MARCO: variants seen among roughly 807,000 people sequenced by gnomAD.
MARCO encodes the protein macrophage receptor MARCO.
MARCO carries 72 observed loss-of-function variants against 70.0 expected under a neutral mutation model. The observed-to-expected ratio is 1.03, with a 90% CI of 0.85 to 1.25. The LOEUF is 1.25. Among genes scored for constraint, MARCO ranks in the 50% most tolerant of loss-of-function variants. The pLI is 0.00. For missense variants in MARCO, 696 were observed against 659.3 expected (o/e 1.06, Z -0.61); for synonymous variants, 273 against 243.1 (o/e 1.12, Z -1.14).
At chr2:118,984,268 G>A (rs1412983888) in intron 12 of MARCO, among the ~76,000 whole-genome samples, 3 of 152,164 alleles carry the variant, frequency 2.0e-5, no homozygotes, top group Non-Finnish European at 4.4e-5. Context: ...GAAACATGAA[G>A]CTTTCAGGCC....
At chr2:118,978,635 G>T (rs1680332751) in intron 8 of MARCO, among the ~76,000 whole-genome samples, 1 of 152,186 alleles carries the variant, frequency 6.6e-6, no homozygotes, top group Admixed American at 6.5e-5. Context: ...TCCCCTGTGT[G>T]ACTAACGCAA....
intron 1 of MARCO, among the ~76,000 whole-genome samples, chr2:118,963,458 G>A (rs959706898): frequency 6.6e-6 from 1 of 151,802 alleles, no homozygotes; most frequent in African/African-American, 2.4e-5. Context: ...AAGGTATTCT[G>A]TATGACCTTG....
chr2:118,971,848 G>A (rs17009799), intron 4 of MARCO, among the ~76,000 whole-genome samples: 12,120 of 152,282 alleles, frequency 0.08, 648 homozygotes, highest in South Asian at 0.17. Context: ...CTGGTTTCCT[G>A]TAAGCATTCC....
At chr2:118,975,861 C>T (rs1484323303) in intron 6 of MARCO, among the ~76,000 whole-genome samples, 1 of 152,310 alleles carries the variant, frequency 6.6e-6, no homozygotes, top group East Asian at 1.9e-4. Flanking sequence ...CAAGTACAAT[C>T]ACACTTGTGC....
chr2:118,962,448 G>C (rs778199535), intron 1 of MARCO, among the ~76,000 whole-genome samples: 1 of 151,920 alleles, frequency 6.6e-6, no homozygotes, highest in African/African-American at 2.4e-5. Context: ...TCTATTAACT[G>C]TATTCCTAGG....
Position 118,942,306 on chromosome 2 carries a change from A to G in MARCO, c.6A>G (p.Arg2=). M[R]NKKILKEDEL... is the part of the protein sequence containing the mutation. ...GCCATCTATAAAGCTTGGCAATGAG[A>G]AATAAGAAAATTCTCAAGGAGGACG... Residue 2 remains arginine, a synonymous_variant, in exon 1 of 17, where the codon AGA becomes AGG. Transcript: ENST00000327097. The G allele has an allele frequency of 6.2e-7, 1 of 1,612,632 alleles. No individual in the cohort carries two copies. The highest frequency in any genetic ancestry group is 8.5e-7 in the Non-Finnish European group (1 of 1,178,796).
intron 1 of MARCO, among the ~76,000 whole-genome samples, chr2:118,967,322 T>A (rs17009704): frequency 0.01 from 1,532 of 152,224 alleles, 20 homozygotes; most frequent in African/African-American, 0.036. Context: ...TTGCCCCAAG[T>A]CAGAAGAATG....
intron 12 of MARCO, among the ~76,000 whole-genome samples, chr2:118,988,750 C>G (rs17040651): frequency 0.018 from 2,732 of 152,234 alleles, 110 homozygotes; most frequent in South Asian, 0.12. Flanking sequence ...GCAATCTCAG[C>G]TAAGCCCTTC....
intron 1 of MARCO, among the ~76,000 whole-genome samples, chr2:118,962,703 G>A (rs1679972659): frequency 6.6e-6 from 1 of 151,988 alleles, no homozygotes; most frequent in Admixed American, 6.6e-5. Context: ...TTCTTTAAAT[G>A]TTTATTACGA....
intron 12 of MARCO, among the ~76,000 whole-genome samples, chr2:118,988,530 G>A (rs562533940): frequency 1.2e-3 from 183 of 152,134 alleles, no homozygotes; most frequent in African/African-American, 3.1e-3. Context: ...ATCCCAGAGG[G>A]TGCCATGTTG....
At chr2:118,955,396 A>T (rs1302221128) in intron 1 of MARCO, among the ~76,000 whole-genome samples, 1 of 152,166 alleles carries the variant, frequency 6.6e-6, no homozygotes, top group Non-Finnish European at 1.5e-5. Context: ...CCAATCCAAC[A>T]AAGACAAAGA....
intron 3 of MARCO, 70 bp from the exon 4 acceptor site, chr2:118,971,429 C>A: frequency 6.8e-7 from 1 of 1,466,886 alleles, no homozygotes; most frequent in Non-Finnish European, 9.6e-7. Context: ...AGAACCTGGG[C>A]ACTCTCAGTT....
chr2:118,973,963 C>T (rs922814043), intron 4 of MARCO, among the ~76,000 whole-genome samples: 1 of 152,194 alleles, frequency 6.6e-6, no homozygotes, highest in East Asian at 1.9e-4. Context: ...GTGAGCTTGC[C>T]TTGTGTGTTT....
intron 12 of MARCO, among the ~76,000 whole-genome samples, chr2:118,989,977 G>C (rs1680590260): frequency 6.6e-6 from 1 of 152,204 alleles, no homozygotes; most frequent in Admixed American, 6.5e-5. Flanking sequence ...AAAAAAGGAT[G>C]AATGGATGGA....
intron 1 of MARCO, among the ~76,000 whole-genome samples, chr2:118,958,127 C>T (rs1679872794): frequency 1.3e-5 from 2 of 151,846 alleles, no homozygotes; most frequent in Admixed American, 1.3e-4. Flanking sequence ...TCCTCTTCAA[C>T]ATAGTGCTGA....
chr2:118,970,122 C>G lies in MARCO; in HGVS notation c.208C>G (p.Leu70Val). ...TGTGGGGTGGGGCCCAGTTCTGAAT[C>G]TGCAGGCGCGGCTCCGGGTCCTGGA... ...AGLLVVQVLNLQARLRVLEMY... is the reference protein window; with the variant it reads ...AGLLVVQVLNVQARLRVLEMY... The change falls in exon 3 of 17, where the codon CTG (leucine) becomes GTG (valine). Residue 70 changes from leucine to valine, a missense_variant. By Grantham distance (32) the Leu-to-Val change is conservative. Coordinates refer to ENST00000327097, the MANE Select transcript of MARCO (RefSeq NM_006770.4). The G allele has an allele frequency of 6.2e-6, 10 of 1,613,952 alleles. No homozygotes were observed. Among genetic ancestry groups the G allele is most frequent in the Non-Finnish European group, 8.5e-6 (10 of 1,179,934 alleles).
intron 8 of MARCO, among the ~76,000 whole-genome samples, chr2:118,980,688 G>A (rs778582096): frequency 2.0e-5 from 3 of 152,120 alleles, no homozygotes; most frequent in Non-Finnish European, 2.9e-5. Context: ...AGTTGAGCAC[G>A]GACACCCAGC....
chr2:118,994,498 C>A lies in MARCO; in HGVS notation c.1541C>A (p.Ala514Glu). ...CATGACTGCAGCCACGAGGAGGACGCAGGCGTGGAGTGCAGCGTCTGACCC... is the reference window on the plus strand; with the variant it reads ...CATGACTGCAGCCACGAGGAGGACGAAGGCGTGGAGTGCAGCGTCTGACCC... ...GHHDCSHEED[A>E]GVECSV Residue 514 changes from alanine (A) to glutamate (E), a missense_variant, in exon 17 of 17, where the codon GCA becomes GAA. Ala to Glu is a moderately radical substitution (Grantham distance 107). Coordinates refer to ENST00000327097, the MANE Select transcript of MARCO (RefSeq NM_006770.4). The A allele has an allele frequency of 6.2e-7, 1 of 1,608,856 alleles. No homozygotes were observed. The highest frequency in any genetic ancestry group is 8.5e-7 in the Non-Finnish European group (1 of 1,177,156).
intron 8 of MARCO, among the ~76,000 whole-genome samples, chr2:118,978,839 T>C (rs1680336388): frequency 6.6e-6 from 1 of 152,156 alleles, no homozygotes; most frequent in Non-Finnish European, 1.5e-5. Flanking sequence ...TAGCTAGTAA[T>C]AGTAATAGTA....
Sources: allele counts gnomAD v4.1 joint callset (sites outside exome capture counted in the v4.1 genomes callset), GRCh38; gene constraint gnomAD v4.1.1; transcripts MANE v1.5; gene names NCBI Gene and HGNC (gene_info 2026-07-23, HGNC 2026-07-21).